Variants in EPHX4 observed in about 807,000 individuals in gnomAD.
The protein encoded by EPHX4 is epoxide hydrolase 4.
A neutral mutation model predicts 44.9 loss-of-function variants in EPHX4; 31 were observed. The ratio of observed to expected loss-of-function variants is 0.69; its 90% CI spans 0.52 to 0.93. EPHX4 has a LOEUF of 0.93. EPHX4 is among the 40% of genes least tolerant of loss of function. The pLI, the probability that EPHX4 is intolerant of heterozygous loss-of-function variation, is 0.00. For synonymous variants in EPHX4, 151 were observed against 159.7 expected (o/e 0.95, Z 0.41); for missense variants, 373 against 438.1 (o/e 0.85, Z 1.33).
chr1:92,048,224 G>A (rs1195511098), intron 4 of EPHX4, among the ~76,000 whole-genome samples: 2 of 152,168 alleles, frequency 1.3e-5, no homozygotes, highest in African/African-American at 4.8e-5. Flanking sequence ...GTATAGTGAG[G>A]TATAGTGGGA....
chr1:92,030,639 T>C (rs1688346484), intron 1 of EPHX4, among the ~76,000 whole-genome samples: 1 of 152,142 alleles, frequency 6.6e-6, no homozygotes, highest in African/African-American at 2.4e-5. Flanking sequence ...CTGCTCTTTT[T>C]CCTACTGCAA....
chr1:92,045,758 A>G (rs2101870921), intron 4 of EPHX4, 98 bp downstream of exon 4: 2 of 1,348,950 alleles, frequency 1.5e-6, no homozygotes, highest in East Asian at 2.3e-5. Flanking sequence ...GGTTACTATC[A>G]TATTTTAAAA....
chr1:92,033,201 C>A (rs2101865230), intron 2 of EPHX4, among the ~76,000 whole-genome samples: 1 of 152,044 alleles, frequency 6.6e-6, no homozygotes, highest in African/African-American at 2.4e-5. Context: ...AGATGTAAGC[C>A]ACCACGCCAA....
intron 2 of EPHX4, among the ~76,000 whole-genome samples, chr1:92,040,886 C>A (rs1688499845): frequency 6.6e-6 from 1 of 152,018 alleles, no homozygotes; most frequent in South Asian, 2.1e-4. Flanking sequence ...GTTAGCTTGC[C>A]TACTGCACTC....
At position 92,030,144 on chromosome 1, in the gene EPHX4, C is replaced by T. The variant is rs769868470; in HGVS notation, c.65C>T (p.Ser22Phe). 1.9e-6 allele frequency: 3 copies of T among 1,612,784 alleles called. No individual in the cohort carries two copies. Among genetic ancestry groups the T allele is most frequent in the Admixed American group, 1.7e-5 (1 of 59,952 alleles). ...ACGCTCCGGTCCCTGCTCTTCTGGT[C>T]CCTGGTCTACTGCTACTGCGGGCTC... ...MLTLRSLLFW[S>F]LVYCYCGLCA... is the part of the protein sequence containing the mutation. Residue 22 changes from serine (S) to phenylalanine (F), a missense_variant, in exon 1 of 7, where the codon TCC (serine) becomes TTC (phenylalanine). Transcript: ENST00000370383.
rs957936744 is a variant in EPHX4, at chr1:92,063,233, G to A, written c.1036G>A (p.Val346Met). Residue 346 changes from valine to methionine, a missense_variant, in exon 7 of 7, where the codon GTG becomes ATG. Coordinates refer to ENST00000370383, the MANE Select transcript of EPHX4 (RefSeq NM_173567.5). ...GCTTCAGCAAGACCAACCTGACATAGTGAACAAATTGATATGGACATTTCT... is the reference window on the plus strand; with the variant it reads ...GCTTCAGCAAGACCAACCTGACATAATGAACAAATTGATATGGACATTTCT... ...HWLQQDQPDIVNKLIWTFLKE... is the reference protein window; with the variant it reads ...HWLQQDQPDIMNKLIWTFLKE... The A allele has an allele frequency of 4.3e-6, 7 of 1,613,470 alleles. No homozygotes were observed. The highest frequency in any genetic ancestry group is 5.9e-6 in the Non-Finnish European group (7 of 1,179,576).
intron 4 of EPHX4, among the ~76,000 whole-genome samples, chr1:92,049,580 T>C (rs1180679660): frequency 6.6e-6 from 1 of 152,206 alleles, no homozygotes; most frequent in Non-Finnish European, 1.5e-5. Context: ...GATACATCAA[T>C]GAATTTATAG....
chr1:92,048,037 GTAC>G (rs1688606628), intron 4 of EPHX4, among the ~76,000 whole-genome samples: 1 of 152,090 alleles, frequency 6.6e-6, no homozygotes, highest in Non-Finnish European at 1.5e-5. Context: ...TGAGGTTCAA[GTAC>G]TACTACTACC....
chr1:92,030,147 T>C lies in EPHX4; in HGVS notation c.68T>C (p.Leu23Pro), dbSNP rs1238163940. 1.9e-6 allele frequency: 3 copies of C among 1,612,850 alleles called. No individual in the cohort carries two copies. The Admixed American group carries it at 5.0e-5, about 27-fold the overall frequency. ...CTCCGGTCCCTGCTCTTCTGGTCCC[T>C]GGTCTACTGCTACTGCGGGCTCTGC... Reference protein sequence around the residue: ...LTLRSLLFWSLVYCYCGLCAS... With the variant: ...LTLRSLLFWSPVYCYCGLCAS... The change falls in exon 1 of 7, where the codon CTG becomes CCG. Residue 23 changes from leucine (L) to proline (P), a missense_variant. Coordinates refer to ENST00000370383, the MANE Select transcript of EPHX4 (RefSeq NM_173567.5).
intron 6 of EPHX4, among the ~76,000 whole-genome samples, chr1:92,059,844 C>G (rs899192342): frequency 7.3e-5 from 11 of 151,498 alleles, no homozygotes; most frequent in Non-Finnish European, 1.5e-5. Context: ...GGCTATTTAC[C>G]AACCAGTAGA....
intron 2 of EPHX4, among the ~76,000 whole-genome samples, chr1:92,041,519 C>T (rs1000568671): frequency 5.9e-5 from 9 of 152,092 alleles, no homozygotes; most frequent in African/African-American, 1.9e-4. Flanking sequence ...ATCAGAGAAT[C>T]AAATGGTTCT....
intron 1 of EPHX4, among the ~76,000 whole-genome samples, chr1:92,031,748 A>G (rs1263867314): frequency 7.2e-5 from 11 of 151,788 alleles, no homozygotes; most frequent in Admixed American, 4.6e-4. Flanking sequence ...TGTTCCCTCT[A>G]CTTTCCTCAA....
At chr1:92,062,466 T>G (rs1207952076) in intron 6 of EPHX4, among the ~76,000 whole-genome samples, 1 of 151,172 alleles carries the variant, frequency 6.6e-6, no homozygotes, top group Non-Finnish European at 1.5e-5. Flanking sequence ...GCACCTGTAG[T>G]CCCAGCTACT....
chr1:92,062,367 A>G (rs1289310711), intron 6 of EPHX4, among the ~76,000 whole-genome samples: 1 of 151,756 alleles, frequency 6.6e-6, no homozygotes, highest in East Asian at 1.9e-4. Flanking sequence ...GGGTGGATCA[A>G]GAGGTCAGGA....
At chr1:92,039,752 C>T (rs143792309) in intron 2 of EPHX4, among the ~76,000 whole-genome samples, 6,801 of 152,126 alleles carry the variant, frequency 0.045, 223 homozygotes, top group Non-Finnish European at 0.065. Flanking sequence ...CTCCCGGGTT[C>T]AAGCGATTCT....
At chr1:92,040,719 C>A (rs1311933904) in intron 2 of EPHX4, among the ~76,000 whole-genome samples, 1 of 152,106 alleles carries the variant, frequency 6.6e-6, no homozygotes, top group Non-Finnish European at 1.5e-5. Flanking sequence ...CCTTGGCCTC[C>A]CAAAGTGCTG....
chr1:92,061,901 A>G (rs1284241707), intron 6 of EPHX4, among the ~76,000 whole-genome samples: 2 of 152,066 alleles, frequency 1.3e-5, no homozygotes, highest in Non-Finnish European at 2.9e-5. Flanking sequence ...TGTTATTTAT[A>G]TTTTTCTGTA....
At chr1:92,051,497 T>C (rs1647253769) in intron 5 of EPHX4, among the ~76,000 whole-genome samples, 1 of 152,204 alleles carries the variant, frequency 6.6e-6, no homozygotes, top group Admixed American at 6.6e-5. Context: ...AAATTTGCCC[T>C]GAGGAAAGAT....
At chr1:92,042,409 C>G (rs1688520832) in intron 2 of EPHX4, among the ~76,000 whole-genome samples, 1 of 151,702 alleles carries the variant, frequency 6.6e-6, no homozygotes, top group South Asian at 2.1e-4. Context: ...TAAGGAATTT[C>G]TTACAGTTTT....
Sources: gnomAD v4.1 joint callset for allele counts (sites outside exome capture counted in the v4.1 genomes callset) on GRCh38, gnomAD v4.1.1 for gene constraint, MANE v1.5 for transcripts, NCBI Gene and HGNC (gene_info 2026-07-23, HGNC 2026-07-21) for gene names.